The following WNT7A variants were observed in gnomAD, a reference collection of about 807,000 sequenced individuals.
WNT7A encodes the protein Wnt family member 7A, also known as protein Wnt-7a.
In WNT7A, 16 loss-of-function variants were observed where a neutral mutation model predicts 28.2. The observed-to-expected ratio is 0.57, with a 90% CI of 0.38 to 0.86. The LOEUF (loss-of-function observed/expected upper bound fraction) is 0.86. WNT7A is among the 40% of genes least tolerant of loss of function. The pLI is 0.00. For synonymous variants in WNT7A, 190 were observed against 195.9 expected (o/e 0.97, Z 0.25); for missense variants, 411 against 489.7 (o/e 0.84, Z 1.52).
intron 3 of WNT7A, among the ~76,000 whole-genome samples, chr3:13,823,010 C>T (rs1031151863): frequency 3.3e-5 from 5 of 152,208 alleles, no homozygotes; most frequent in African/African-American, 1.2e-4. Context: ...GATCAGGTGA[C>T]ATCCAGCCTG....
At chr3:13,825,602 C>A (rs1296359406) in intron 3 of WNT7A, among the ~76,000 whole-genome samples, 2 of 152,222 alleles carry the variant, frequency 1.3e-5, no homozygotes, top group African/African-American at 4.8e-5. Flanking sequence ...GGTCTTCCAG[C>A]CCATAGGAGT....
intron 2 of WNT7A, among the ~76,000 whole-genome samples, chr3:13,865,062 T>C (rs989344004): frequency 6.6e-6 from 1 of 152,182 alleles, no homozygotes; most frequent in Non-Finnish European, 1.5e-5. Context: ...ATTCTGAGTA[T>C]GGTCAAGCTG....
In WNT7A at chr3:13,830,747, C is replaced by T. The variant is rs150050899; in HGVS notation, c.571-11324G>A. ...AGCCACACTTTCTCTACTAACACTG[C>T]CCTCCAGGGCAGACAGAGCTCCCCA... is the stretch of plus-strand genomic sequence containing the variant. On this transcript the variant is annotated intron_variant, in intron 3 of 3. Transcript: ENST00000285018. Among the ~76,000 whole-genome samples the T allele has an allele frequency of 2.4e-3, 366 of 152,330 alleles. 1 individual carries two copies. The highest frequency in any genetic ancestry group is 3.7e-3 in the Non-Finnish European group (253 of 68,036).
At chr3:13,830,986 T>C (rs1395481345) in intron 3 of WNT7A, among the ~76,000 whole-genome samples, 4 of 151,984 alleles carry the variant, frequency 2.6e-5, no homozygotes, top group Non-Finnish European at 5.9e-5. Flanking sequence ...AGCAGCTGGG[T>C]TAAATGACCG....
intron 1 of WNT7A, chr3:13,875,758 C>A (rs1695101080): frequency 6.3e-6 from 1 of 158,368 alleles, no homozygotes; most frequent in African/African-American, 2.4e-5. Flanking sequence ...GAAGTCCTGG[C>A]ATTTTCTTCC....
At chr3:13,821,739 G>C (rs1344158130) in intron 3 of WNT7A, among the ~76,000 whole-genome samples, 5 of 152,212 alleles carry the variant, frequency 3.3e-5, no homozygotes, top group Admixed American at 2.6e-4. Context: ...TTGTTTAGGA[G>C]CCCATCCACC....
chr3:13,857,436 C>T (rs1257074114), intron 2 of WNT7A, among the ~76,000 whole-genome samples: 1 of 152,162 alleles, frequency 6.6e-6, no homozygotes, highest in Non-Finnish European at 1.5e-5. Context: ...TGTCCCCACC[C>T]TCCAGCAAAG....
At chr3:13,850,417 A>T (rs918704976) in intron 3 of WNT7A, among the ~76,000 whole-genome samples, 5 of 152,086 alleles carry the variant, frequency 3.3e-5, no homozygotes, top group African/African-American at 1.2e-4. Context: ...AGGGGTGGGA[A>T]TCCAGCTCCC....
intron 2 of WNT7A, among the ~76,000 whole-genome samples, chr3:13,862,230 C>T (rs939419593): frequency 9.9e-5 from 15 of 152,200 alleles, no homozygotes; most frequent in East Asian, 1.9e-4. Flanking sequence ...ATCACTGAGA[C>T]GAAAATGGGG....
chr3:13,846,716 C>G (rs1371985078), intron 3 of WNT7A, among the ~76,000 whole-genome samples: 1 of 152,096 alleles, frequency 6.6e-6, no homozygotes, highest in Non-Finnish European at 1.5e-5. Context: ...TCTTCCATCC[C>G]GTGGGTCCTG....
chr3:13,861,234 G>C (rs1320935575), intron 2 of WNT7A, among the ~76,000 whole-genome samples: 2 of 152,202 alleles, frequency 1.3e-5, no homozygotes, highest in African/African-American at 4.8e-5. Flanking sequence ...TGCCCTCCAG[G>C]ATCAGATCCT....
intron 3 of WNT7A, among the ~76,000 whole-genome samples, chr3:13,831,739 C>A (rs1355471114): frequency 6.6e-6 from 1 of 152,140 alleles, no homozygotes; most frequent in African/African-American, 2.4e-5. Flanking sequence ...AAAGGCCCAT[C>A]TCCCTGCCTC....
intron 2 of WNT7A, among the ~76,000 whole-genome samples, chr3:13,874,223 G>A (rs1288758414): frequency 3.3e-5 from 5 of 152,190 alleles, no homozygotes; most frequent in East Asian, 1.9e-4. Flanking sequence ...TAATGCACAC[G>A]CACACAAGCC....
At chr3:13,865,855 C>T (rs776553732) in intron 2 of WNT7A, among the ~76,000 whole-genome samples, 17 of 152,104 alleles carry the variant, frequency 1.1e-4, no homozygotes, top group Non-Finnish European at 2.2e-4. Context: ...CCCATGGAGC[C>T]TCATGATGGC....
intron 3 of WNT7A, among the ~76,000 whole-genome samples, chr3:13,840,928 C>T (rs771438206): frequency 1.1e-4 from 17 of 152,220 alleles, no homozygotes; most frequent in Non-Finnish European, 2.2e-4. Flanking sequence ...GTCCCCTACA[C>T]ACTCCTCTAC....
At chr3:13,843,746 CTT>C (rs112080494) in intron 3 of WNT7A, among the ~76,000 whole-genome samples, 1 of 145,804 alleles carries the variant, frequency 6.9e-6, no homozygotes, top group Non-Finnish European at 1.5e-5. Context: ...ATGTTGGAAT[CTT>C]TTTTTTTTTT....
At chr3:13,848,330 G>A (rs530089921) in intron 3 of WNT7A, among the ~76,000 whole-genome samples, 2 of 152,306 alleles carry the variant, frequency 1.3e-5, no homozygotes, top group South Asian at 4.1e-4. Context: ...CCGCATGTCT[G>A]ACCAAATACT....
In WNT7A at chr3:13,824,851, C is replaced by G. The variant is rs955008250; in HGVS notation, c.571-5428G>C. On this transcript the variant is annotated intron_variant, in intron 3 of 3. Coordinates refer to ENST00000285018, the MANE Select transcript of WNT7A (RefSeq NM_004625.4). ...TCAAAGAGCCTCACAGGGACCTTAT[C>G]TGAAATATCCAAAGGCCAAAAGAAT... Among the ~76,000 whole-genome samples, 6 of 152,310 alleles carry G rather than the reference C, an allele frequency of 3.9e-5. No homozygotes were observed. The East Asian group carries it at 1.2e-3, about 29-fold the overall frequency.
At chr3:13,852,204 C>T (rs1367614303) in intron 3 of WNT7A, among the ~76,000 whole-genome samples, 1 of 152,240 alleles carries the variant, frequency 6.6e-6, no homozygotes, top group Non-Finnish European at 1.5e-5. Flanking sequence ...GTGCACCCCC[C>T]CACCCCAGCC....
Sources: allele counts gnomAD v4.1 joint callset (sites outside exome capture counted in the v4.1 genomes callset), GRCh38; gene constraint gnomAD v4.1.1; transcripts MANE v1.5; gene names NCBI Gene and HGNC (gene_info 2026-07-23, HGNC 2026-07-21).